The following OPRM1 variants were observed in gnomAD, a reference collection of about 807,000 sequenced individuals.
The protein encoded by OPRM1 is mu-type opioid receptor.
OPRM1 carries 27 observed loss-of-function variants against 31.8 expected under a neutral mutation model. That is an observed-to-expected ratio of 0.85 (90% CI 0.63 to 1.17). OPRM1 has a LOEUF of 1.17. Among genes scored for constraint, OPRM1 ranks in the 50% most tolerant of loss-of-function variants. The probability of loss-of-function intolerance (pLI) is 0.00; values close to 1 mark genes in which losing one functional copy is unlikely to be tolerated. For synonymous variants in OPRM1, 196 were observed against 189.9 expected (o/e 1.03, Z -0.26); for missense variants, 536 against 511.1 (o/e 1.05, Z -0.47).
At chr6:154,221,413 C>T in intron 3 of OPRM1, 1 of 982,274 alleles carries the variant, frequency 1.0e-6, no homozygotes, top group Non-Finnish European at 1.6e-6. Flanking sequence ...AAAATACAAG[C>T]TTTGTAAACT....
Position 154,041,167 on chromosome 6 carries a change from T to C in OPRM1, c.290+1333T>C, listed in dbSNP as rs780909284. On this transcript the variant is annotated intron_variant, in intron 1 of 3. Coordinates refer to ENST00000330432, the MANE Select transcript of OPRM1 (RefSeq NM_000914.5). ...TTATAAGCAATTCTTTCTACTCATC[T>C]GTCTGATTTCTTTAATTAATGATTT... Among the ~76,000 whole-genome samples the C allele has an allele frequency of 2.8e-4, 43 of 152,320 alleles. 1 individual carries two copies. Among genetic ancestry groups the C allele is most frequent in the Middle Eastern group, 3.4e-3 (1 of 294 alleles).
At chr6:154,018,983 TG>T (rs1778176838) in intron 1 of OPRM1, among the ~76,000 whole-genome samples, 1 of 152,278 alleles carries the variant, frequency 6.6e-6, no homozygotes, top group South Asian at 2.1e-4. Context: ...GTTTGATGGG[TG>T]CCTAGTAGGT....
At chr6:154,018,555 A>G (rs1336729670) in intron 1 of OPRM1, among the ~76,000 whole-genome samples, 1 of 148,274 alleles carries the variant, frequency 6.7e-6, no homozygotes, top group Non-Finnish European at 1.5e-5. Context: ...AATGTGGGAG[A>G]CCAAAACCAA....
At chr6:154,065,150 A>ATTTTT (rs564465420) in intron 1 of OPRM1, among the ~76,000 whole-genome samples, 1 of 133,670 alleles carries the variant, frequency 7.5e-6, no homozygotes, top group Non-Finnish European at 1.6e-5. Context: ...GTCTTCTTTA[A>ATTTTT]TTTTTTTTTT....
chr6:154,118,516 C>T (rs1797107302), intron 3 of OPRM1, among the ~76,000 whole-genome samples, 167 bp from the exon 4 acceptor site: 1 of 152,122 alleles, frequency 6.6e-6, no homozygotes, highest in African/African-American at 2.4e-5. Context: ...TTCATAATGT[C>T]TGAAGAGATT....
intron 3 of OPRM1, among the ~76,000 whole-genome samples, chr6:154,231,625 T>C (rs1046793848): frequency 1.3e-5 from 2 of 152,260 alleles, no homozygotes; most frequent in African/African-American, 2.4e-5. Context: ...ATATATTTAA[T>C]GTGCTAATTT....
intron 3 of OPRM1, among the ~76,000 whole-genome samples, chr6:154,228,401 G>T (rs1779439249): frequency 6.6e-6 from 1 of 152,132 alleles, no homozygotes; most frequent in Non-Finnish European, 1.5e-5. Flanking sequence ...CCTGCCAGAG[G>T]TATCAAACCC....
chr6:154,177,337 C>G (rs1007438559), intron 3 of OPRM1, among the ~76,000 whole-genome samples: 2 of 152,170 alleles, frequency 1.3e-5, no homozygotes, highest in African/African-American at 4.8e-5. Context: ...AAACTATCAT[C>G]AAAGTGAACA....
At chr6:154,067,484 T>C (rs2128446925) in intron 1 of OPRM1, among the ~76,000 whole-genome samples, 1 of 147,720 alleles carries the variant, frequency 6.8e-6, no homozygotes, top group South Asian at 2.1e-4. Context: ...ATGTTATTGA[T>C]TTTTTTTAAT....
At chr6:154,074,923 A>G (rs1282473781) in intron 1 of OPRM1, among the ~76,000 whole-genome samples, 1 of 152,174 alleles carries the variant, frequency 6.6e-6, no homozygotes, top group Non-Finnish European at 1.5e-5. Context: ...AATGGAAGAG[A>G]GGCAATATTG....
At chr6:154,096,483 G>C (rs1793407326) in intron 3 of OPRM1, among the ~76,000 whole-genome samples, 1 of 152,064 alleles carries the variant, frequency 6.6e-6, no homozygotes, top group Admixed American at 6.5e-5. Flanking sequence ...TGGTGCAAAA[G>C]TAATTGCGGG....
At chr6:154,166,180 T>A (rs9397692) in intron 3 of OPRM1, among the ~76,000 whole-genome samples, 7,832 of 152,324 alleles carry the variant, frequency 0.051, 309 homozygotes, top group South Asian at 0.19. Context: ...TAGCACTGGA[T>A]AACCGATACA....
rs1034329074 is a variant in OPRM1 at position 154,124,207 on chromosome 6, C to T, written c.*5486C>T. Among the ~76,000 whole-genome samples, 5 of 152,124 alleles carry T rather than the reference C, an allele frequency of 3.3e-5. No individual in the cohort carries two copies. Among genetic ancestry groups the T allele is most frequent in the South Asian group, 4.1e-4 (2 of 4,830 alleles). ...TACATTTTTAAAGGAATTTTAAGAG[C>T]TCGGAAATCATTAAAATTAAGTTTA... On this transcript the variant is annotated 3_prime_UTR_variant, in exon 4 of 4. Transcript: ENST00000330432.
At chr6:154,229,589 C>G (rs1779564683) in intron 3 of OPRM1, among the ~76,000 whole-genome samples, 1 of 151,962 alleles carries the variant, frequency 6.6e-6, no homozygotes, top group African/African-American at 2.4e-5. Context: ...ATCTCCTGAC[C>G]TCATGATCTG....
At chr6:154,221,521 TTA>T (rs1778856810) in intron 3 of OPRM1, among the ~76,000 whole-genome samples, 1 of 152,234 alleles carries the variant, frequency 6.6e-6, no homozygotes, top group Non-Finnish European at 1.5e-5. Flanking sequence ...AGTCAATTTT[TTA>T]TGTCAGAACG....
intron 1 of OPRM1, among the ~76,000 whole-genome samples, chr6:154,041,908 C>A (rs1780143768): frequency 6.6e-6 from 1 of 152,112 alleles, no homozygotes; most frequent in South Asian, 2.1e-4. Flanking sequence ...CAGAGAGAGC[C>A]AATAGAGTGG....
rs145067640 is a variant in OPRM1 at position 154,117,380 on chromosome 6, A to C, written c.1165-1303A>C. 5.9e-3 allele frequency among the ~76,000 whole-genome samples: 899 copies of C among 152,324 alleles called. 5 individuals are homozygous for C. The highest frequency in any genetic ancestry group is 0.021 in the African/African-American group (856 of 41,568). On this transcript the variant is annotated intron_variant, in intron 3 of 3. Transcript: ENST00000330432. ...GTAGGTTGCTTTGCCACAACTCTAT[A>C]GGTGCCAAAATTAGACAAAAGACCC... is the stretch of plus-strand genomic sequence containing the variant.
At chr6:154,103,823 A>G (rs976616885) in intron 3 of OPRM1, among the ~76,000 whole-genome samples, 2 of 152,066 alleles carry the variant, frequency 1.3e-5, no homozygotes, top group Non-Finnish European at 2.9e-5. Context: ...TCTTGTTGCC[A>G]TTTTGGTTTT....
chr6:154,038,968 C>A, upstream of OPRM1: 1 of 573,890 alleles, frequency 1.7e-6, no homozygotes, highest in Non-Finnish European at 2.9e-6. Context: ...TCAAAATTGG[C>A]AGTAGGGATG....
Sources: gnomAD v4.1 joint callset for allele counts (sites outside exome capture counted in the v4.1 genomes callset) on GRCh38, gnomAD v4.1.1 for gene constraint, MANE v1.5 for transcripts, NCBI Gene and HGNC (gene_info 2026-07-23, HGNC 2026-07-21) for gene names.